The following DEDD2 variants were observed in gnomAD, a reference collection of about 807,000 sequenced individuals.
The protein encoded by DEDD2 is death effector domain containing 2.
Under a neutral mutation model 28.9 loss-of-function variants are expected in DEDD2, and 18 were observed. The ratio of observed to expected loss-of-function variants is 0.62; its 90% CI spans 0.43 to 0.92. DEDD2 has a LOEUF of 0.92. DEDD2 is among the 40% of genes least tolerant of loss of function. The pLI, the probability that DEDD2 is intolerant of heterozygous loss-of-function variation, is 0.00. For missense variants in DEDD2, 411 were observed against 463.3 expected, an observed-to-expected ratio of 0.89 and a Z score of 1.04; for synonymous variants, 211 against 206.1, an observed-to-expected ratio of 1.02 and a Z score of -0.20.
At chr19:42,200,849 G>A (rs1244457094) in intron 4 of DEDD2, among the ~76,000 whole-genome samples, 1 of 152,180 alleles carries the variant, frequency 6.6e-6, no homozygotes, top group Non-Finnish European at 1.5e-5. Flanking sequence ...TGTGTACAGG[G>A]GACAGGACAC....
chr19:42,210,306 A>G (rs533032270), intron 3 of DEDD2, among the ~76,000 whole-genome samples: 59 of 152,310 alleles, frequency 3.9e-4, no homozygotes, highest in African/African-American at 1.4e-3. Context: ...TATATCTGCA[A>G]AATGAAACAC....
chr19:42,207,482 C>G (rs1014057675), intron 4 of DEDD2, among the ~76,000 whole-genome samples: 3 of 152,106 alleles, frequency 2.0e-5, no homozygotes, highest in African/African-American at 7.2e-5. Flanking sequence ...CCTTCCACTC[C>G]CCCCAGGGGC....
Position 42,209,760 on chromosome 19 carries a change from C to A in DEDD2, c.529G>T (p.Ala177Ser). The change falls in exon 4 of 5, where the codon GCC (alanine) becomes TCC (serine). Residue 177 changes from alanine (A) to serine (S), a missense_variant. Physicochemically the swap from Ala to Ser is moderately conservative, Grantham distance 99 (BLOSUM62 1). Coordinates refer to ENST00000596251, the MANE Select transcript of DEDD2 (RefSeq NM_133328.4). ...GGCTCTGACTGCTGCTGGGGTGCGGCTGGGGCCCCTCTCCGCCGCCGTCTG... is the reference window on the plus strand; with the variant it reads ...GGCTCTGACTGCTGCTGGGGTGCGGATGGGGCCCCTCTCCGCCGCCGTCTG... ...GARRRRRGAPAAPQQQSEPAR... is the reference protein window; with the variant it reads ...GARRRRRGAPSAPQQQSEPAR... The A allele has an allele frequency of 6.2e-7, 1 of 1,602,642 alleles. No individual in the cohort carries two copies. The highest frequency in any genetic ancestry group is 8.5e-7 in the Non-Finnish European group (1 of 1,175,352).
chr19:42,215,046 G>A, intron 3 of DEDD2, 87 bp downstream of exon 3: 1 of 1,549,226 alleles, frequency 6.5e-7, no homozygotes, highest in Non-Finnish European at 8.8e-7. Flanking sequence ...AAATGAGACA[G>A]AATAACCCCT....
chr19:42,203,633 C>T (rs936432605), intron 4 of DEDD2, among the ~76,000 whole-genome samples: 1 of 152,168 alleles, frequency 6.6e-6, no homozygotes, highest in Non-Finnish European at 1.5e-5. Flanking sequence ...TAAAACAAGG[C>T]TCCCCCTAAC....
rs561900883 is a variant in DEDD2, at chr19:42,216,728, C to T, written c.280G>A (p.Ala94Thr). 4.6e-5 allele frequency: 73 copies of T among 1,590,380 alleles called. No individual in the cohort carries two copies. In the East Asian group the frequency reaches 1.6e-3, roughly 35 times the overall value. ...RLLGQLLRVL[A>T]RHDLLPHLAR... ...AGGTGCGGCAGCAGGTCGTGGCGGG[C>T]CAGCACGCGCAGGAGTTGCCCCAGC... The change falls in exon 2 of 5, where the codon GCC (alanine) becomes ACC (threonine). Residue 94 changes from alanine (A) to threonine (T), a missense_variant. Physicochemically the swap from Ala to Thr is moderately conservative, Grantham distance 58. Transcript: ENST00000596251.
Position 42,199,158 on chromosome 19 carries a change from G to C in DEDD2, c.*280C>G. On this transcript the variant is annotated 3_prime_UTR_variant, in exon 5 of 5. Coordinates refer to ENST00000596251, the MANE Select transcript of DEDD2 (RefSeq NM_133328.4). The surrounding 1 kb of genome is among the most constrained non-coding windows in gnomAD (Gnocchi z 7.4). ...GGGGGCCTTTGGTGAGTGTGTAGCT[G>C]TGCCCCTCCCTTCTGAGATACAGGC... 2.0e-6 allele frequency: 1 copy of C among 508,632 alleles called. No individual in the cohort carries two copies. Among genetic ancestry groups the C allele is most frequent in the East Asian group, 3.3e-5 (1 of 30,036 alleles). The allele number at this position is 508,632 out of a possible 1,614,324, so 31.5% of individuals were successfully genotyped here.
rs764728625 is a variant in DEDD2, at chr19:42,216,710, G to A, written c.298C>T (p.Pro100Ser). Reference sequence around the variant, plus strand: ...CGGCGCCGCTTGCGCGCCAGGTGCGGCAGCAGGTCGTGGCGGGCCAGCACG... The same window carrying A: ...CGGCGCCGCTTGCGCGCCAGGTGCGACAGCAGGTCGTGGCGGGCCAGCACG... ...LRVLARHDLLPHLARKRRRPV... is the reference protein window; with the variant it reads ...LRVLARHDLLSHLARKRRRPV... The change falls in exon 2 of 5, where the codon CCG (proline) becomes TCG (serine). Residue 100 changes from proline (P) to serine (S), a missense_variant. By Grantham distance (74) the Pro-to-Ser change is moderately conservative (BLOSUM62 -1). Around this residue, in one of 2 missense-constraint regions of DEDD2, gnomAD observed 282 missense variants for 273.4 expected, o/e 1.03. Transcript: ENST00000596251. 3.1e-6 allele frequency: 5 copies of A among 1,590,744 alleles called. No individual in the cohort carries two copies. The highest frequency in any genetic ancestry group is 4.3e-6 in the Non-Finnish European group (5 of 1,171,938).
intron 3 of DEDD2, among the ~76,000 whole-genome samples, chr19:42,214,273 T>C (rs2035877727): frequency 6.6e-6 from 1 of 151,982 alleles, no homozygotes; most frequent in Admixed American, 6.6e-5. Flanking sequence ...TTGGGCAACA[T>C]GGTGAAACCT....
chr19:42,215,087 A>T, intron 3 of DEDD2, 46 bp downstream of exon 3: 1 of 1,608,996 alleles, frequency 6.2e-7, no homozygotes, highest in Non-Finnish European at 8.5e-7. Flanking sequence ...CACAATTCAT[A>T]AGGAAAAGAG....
chr19:42,200,472 T>C (rs1041461418), intron 4 of DEDD2, among the ~76,000 whole-genome samples: 5 of 152,242 alleles, frequency 3.3e-5, no homozygotes, highest in African/African-American at 1.2e-4. Flanking sequence ...ATTCACATGG[T>C]GCCAACCACA....
Position 42,199,400 on chromosome 19 carries a change from G to A in DEDD2, c.*38C>T, listed in dbSNP as rs1468671281. On this transcript the variant is annotated 3_prime_UTR_variant, in exon 5 of 5. Transcript: ENST00000596251. This position sits in a 1 kb window ranked among gnomAD's most constrained non-coding sequence, Gnocchi z 7.4. ...TCGTCCTCCCAGGAGAAGGTGGCCC[G>A]GAGACTTGGAGGTGGGATCAATCCT... is the stretch of plus-strand genomic sequence containing the variant. The A allele has an allele frequency of 7.9e-6, 12 of 1,524,722 alleles. No homozygotes were observed. Among genetic ancestry groups the A allele is most frequent in the South Asian group, 1.3e-5 (1 of 79,830 alleles). The allele number at this position is 1,524,722 out of a possible 1,614,324, so 94.4% of individuals were successfully genotyped here.
intron 2 of DEDD2, among the ~76,000 whole-genome samples, chr19:42,216,048 G>A (rs575711618): frequency 1.3e-5 from 2 of 152,266 alleles, no homozygotes; most frequent in Admixed American, 1.3e-4. Context: ...TCCCACCTCA[G>A]GCCTTGGATG....
rs1300725582 is a variant in DEDD2 at position 42,199,892 on chromosome 19, C to G, written c.590-63G>C. 1.3e-6 allele frequency: 2 copies of G among 1,497,186 alleles called. No homozygotes were observed. The highest frequency in any genetic ancestry group is 2.8e-5 in the African/African-American group (2 of 71,716). 92.7% of individuals were successfully genotyped at this position (1,497,186 alleles called of 1,614,324 possible). On this transcript the variant is annotated intron_variant, in intron 4 of 4. Transcript: ENST00000596251. This position sits in a 1 kb window ranked among gnomAD's most constrained non-coding sequence, Gnocchi z 7.4. ...ACACTAGACACACTTATGGGGAACGCCACCCTTCCTCCCTCCAGCCTTCTC... is the reference window on the plus strand; with the variant it reads ...ACACTAGACACACTTATGGGGAACGGCACCCTTCCTCCCTCCAGCCTTCTC...
intron 4 of DEDD2, among the ~76,000 whole-genome samples, chr19:42,201,321 T>TG (rs1228936816): frequency 5.9e-5 from 9 of 152,256 alleles, no homozygotes; most frequent in African/African-American, 1.9e-4. Flanking sequence ...ACAACCTCTC[T>TG]GAGCATGGGT....
chr19:42,202,068 C>T, intron 4 of DEDD2: 1 of 398,790 alleles, frequency 2.5e-6, no homozygotes, highest in Non-Finnish European at 4.4e-6. Context: ...AGCCTGTTTC[C>T]CCATCTGAAA....
intron 4 of DEDD2, among the ~76,000 whole-genome samples, chr19:42,200,860 T>A (rs1028887497): frequency 1.3e-5 from 2 of 152,200 alleles, no homozygotes; most frequent in African/African-American, 2.4e-5. Context: ...GACAGGACAC[T>A]GGACTTCTAA....
intron 4 of DEDD2, chr19:42,201,908 C>T (rs2035346072): frequency 2.5e-6 from 1 of 397,860 alleles, no homozygotes; most frequent in Admixed American, 4.4e-5. Context: ...GAGCAGGGGG[C>T]TGGGAGGAGC....
chr19:42,216,538 T>G, intron 2 of DEDD2, 142 bp downstream of exon 2: 23 of 856,114 alleles, frequency 2.7e-5, no homozygotes, highest in Non-Finnish European at 3.8e-5. Context: ...ATGTTGCTCA[T>G]TGATATTGTG....
Sources: gnomAD v4.1 joint callset for allele counts (sites outside exome capture counted in the v4.1 genomes callset) on GRCh38, gnomAD v4.1.1 for gene constraint, gnomAD v4.1.1 regional missense constraint, Gnocchi (gnomAD v3.1) non-coding constraint, MANE v1.5 for transcripts, NCBI Gene and HGNC (gene_info 2026-07-23, HGNC 2026-07-21) for gene names.